Variants in PARD3B observed in about 807,000 individuals in gnomAD.
PARD3B encodes par-3 family cell polarity regulator beta, also known as partitioning defective 3 homolog B.
PARD3B carries 103 observed loss-of-function variants against 130.2 expected under a neutral mutation model. That is an observed-to-expected ratio of 0.79 (90% CI 0.67 to 0.93). PARD3B has a LOEUF of 0.93. Ranked by LOEUF, PARD3B falls within the 40% of genes least tolerant of loss-of-function variation. The probability of loss-of-function intolerance (pLI) is 0.00; values close to 1 mark genes in which losing one functional copy is unlikely to be tolerated. For missense variants in PARD3B, 1,609 were observed against 1,499.2 expected (o/e 1.07, Z -1.21); for synonymous variants, 583 against 553.2 (o/e 1.05, Z -0.76).
In PARD3B at chr2:205,401,110, G is replaced by C; in HGVS notation, c.2728G>C (p.Glu910Gln). The change falls in exon 19 of 23, where the codon GAA becomes CAA. Residue 910 changes from glutamate (E) to glutamine (Q), a missense_variant. Glu to Gln is a conservative substitution (Grantham distance 29). Transcript: ENST00000406610. ...LREEELEKMK[E>Q]ERERIGAKHQ... ...AGAAGAAGAGCTGGAGAAAATGAAAGAAGAGCGTGAAAGGTGAGCAGAAGT... is the reference window on the plus strand; with the variant it reads ...AGAAGAAGAGCTGGAGAAAATGAAACAAGAGCGTGAAAGGTGAGCAGAAGT... The C allele has an allele frequency of 1.3e-6, 2 of 1,593,698 alleles. No homozygotes were observed. The highest frequency in any genetic ancestry group is 1.7e-6 in the Non-Finnish European group (2 of 1,169,498).
At chr2:204,785,571 A>G (rs1333103249) in intron 2 of PARD3B, among the ~76,000 whole-genome samples, 2 of 152,128 alleles carry the variant, frequency 1.3e-5, no homozygotes, top group African/African-American at 4.8e-5. Context: ...CCATAAAAAT[A>G]CTTGCTGTTC....
intron 2 of PARD3B, among the ~76,000 whole-genome samples, chr2:204,691,970 G>A (rs186800978): frequency 6.6e-6 from 1 of 152,032 alleles, no homozygotes; most frequent in East Asian, 1.9e-4. Flanking sequence ...ATATTATTTG[G>A]TAACATAAGG....
At chr2:204,818,246 G>C (rs2043214174) in intron 2 of PARD3B, among the ~76,000 whole-genome samples, 1 of 152,162 alleles carries the variant, frequency 6.6e-6, no homozygotes, top group East Asian at 1.9e-4. Context: ...GATCTTGAGA[G>C]TCTTATGTGT....
chr2:204,832,921 A>G (rs2043882591), intron 2 of PARD3B, among the ~76,000 whole-genome samples: 1 of 152,208 alleles, frequency 6.6e-6, no homozygotes, highest in African/African-American at 2.4e-5. Flanking sequence ...CCTGGTCCCT[A>G]TCATTAAAGA....
intron 2 of PARD3B, among the ~76,000 whole-genome samples, chr2:204,866,267 A>T (rs192994749): frequency 5.3e-5 from 8 of 152,286 alleles, no homozygotes; most frequent in Admixed American, 5.2e-4. Context: ...ACCATTTATT[A>T]TCAATAACTC....
rs2034434706 is a variant in PARD3B, at chr2:205,160,297, TG to T, written c.1620+1392del. Among the ~76,000 whole-genome samples, 1 of 152,238 alleles carries T rather than the reference TG, an allele frequency of 6.6e-6. No homozygotes were observed. On this transcript the variant is annotated intron_variant, in intron 11 of 22. Transcript: ENST00000406610. The surrounding 1 kb of genome is among the most constrained non-coding windows in gnomAD (Gnocchi z 4.0). Reference sequence around the variant, plus strand: ...GTTTGGGTAGGATTCTGATTCAGGCTGGTGTCTCTTGATCCCACTGTAACTC... The same window carrying T: ...GTTTGGGTAGGATTCTGATTCAGGCTGTGTCTCTTGATCCCACTGTAACTC...
intron 21 of PARD3B, among the ~76,000 whole-genome samples, chr2:205,526,623 A>T (rs923487993): frequency 2.0e-5 from 3 of 152,218 alleles, no homozygotes; most frequent in African/African-American, 4.8e-5. Context: ...AACAAGGCAG[A>T]TGCCACATTC....
At chr2:205,510,096 C>T (rs1385974218) in intron 21 of PARD3B, among the ~76,000 whole-genome samples, 2 of 152,238 alleles carry the variant, frequency 1.3e-5, no homozygotes, top group Non-Finnish European at 2.9e-5. Flanking sequence ...TGCCTGAGTT[C>T]ACATCCAGGC....
intron 2 of PARD3B, among the ~76,000 whole-genome samples, chr2:204,800,894 T>C (rs997253468): frequency 6.6e-6 from 1 of 152,198 alleles, no homozygotes; most frequent in Non-Finnish European, 1.5e-5. Context: ...TTGTATAAGG[T>C]ATAAGGAAGG....
intron 2 of PARD3B, among the ~76,000 whole-genome samples, chr2:204,705,617 T>C (rs1031858956): frequency 2.0e-5 from 3 of 152,234 alleles, no homozygotes; most frequent in Non-Finnish European, 1.5e-5. Flanking sequence ...TATTAACTTC[T>C]ATTTAATAGA....
intron 1 of PARD3B, among the ~76,000 whole-genome samples, chr2:204,559,140 T>C (rs537473129): frequency 1.3e-5 from 2 of 152,120 alleles, no homozygotes; most frequent in Admixed American, 1.3e-4. Context: ...GGGCAAGGAC[T>C]TCATGACTAA....
intron 20 of PARD3B, among the ~76,000 whole-genome samples, chr2:205,442,338 G>A (rs1186931458): frequency 4.9e-5 from 6 of 123,102 alleles, no homozygotes; most frequent in Admixed American, 1.1e-4. Flanking sequence ...TCACTCTGTC[G>A]ACCAGGCTGG....
chr2:204,662,676 C>T (rs1208692646), intron 1 of PARD3B, among the ~76,000 whole-genome samples: 1 of 152,076 alleles, frequency 6.6e-6, no homozygotes, highest in Non-Finnish European at 1.5e-5. Flanking sequence ...TGGTTACAGA[C>T]CTTGAGTGAA....
At chr2:204,759,003 T>C (rs773440312) in intron 2 of PARD3B, among the ~76,000 whole-genome samples, 4 of 152,214 alleles carry the variant, frequency 2.6e-5, no homozygotes, top group Non-Finnish European at 4.4e-5. Context: ...TCTGTGTCTG[T>C]GTCACTTCAA....
At chr2:205,537,595 C>T (rs997500425) in intron 21 of PARD3B, among the ~76,000 whole-genome samples, 3 of 152,124 alleles carry the variant, frequency 2.0e-5, no homozygotes, top group Non-Finnish European at 4.4e-5. Flanking sequence ...GAGTTGCACT[C>T]ATTTAGGAAA....
chr2:205,324,218 G>A (rs1235563456), intron 18 of PARD3B, among the ~76,000 whole-genome samples: 1 of 152,066 alleles, frequency 6.6e-6, no homozygotes, highest in Non-Finnish European at 1.5e-5. Flanking sequence ...TTAAGAATCT[G>A]TAAAATAAAT....
At chr2:205,454,173 G>T (rs1301280030) in intron 20 of PARD3B, among the ~76,000 whole-genome samples, 1 of 151,600 alleles carries the variant, frequency 6.6e-6, no homozygotes, top group African/African-American at 2.4e-5. Flanking sequence ...CTTACTCCAG[G>T]CCTCTTGTGA....
At chr2:204,927,345 T>G (rs892213460) in intron 2 of PARD3B, among the ~76,000 whole-genome samples, 1 of 151,980 alleles carries the variant, frequency 6.6e-6, no homozygotes, top group African/African-American at 2.4e-5. Flanking sequence ...CCCAGAGAGA[T>G]CTCCTTCTCC....
Position 205,263,446 on chromosome 2 carries a change from A to G in PARD3B, c.2185+17624A>G, listed in dbSNP as rs2040392684. ...CATTTAAATAGCAAACAGAATGAACATTTTAAAGTAAAATTCTGTCATTTC... is the reference window on the plus strand; with the variant it reads ...CATTTAAATAGCAAACAGAATGAACGTTTTAAAGTAAAATTCTGTCATTTC... On this transcript the variant is annotated intron_variant, in intron 16 of 22. Coordinates refer to ENST00000406610, the MANE Select transcript of PARD3B (RefSeq NM_001302769.2). The surrounding 1 kb of genome is among the most constrained non-coding windows in gnomAD (Gnocchi z 4.0). Among the ~76,000 whole-genome samples, 1 of 151,266 alleles carries G rather than the reference A, an allele frequency of 6.6e-6. No individual in the cohort carries two copies.
Sources: gnomAD v4.1 joint callset for allele counts (sites outside exome capture counted in the v4.1 genomes callset) on GRCh38, gnomAD v4.1.1 for gene constraint, Gnocchi (gnomAD v3.1) non-coding constraint, MANE v1.5 for transcripts, NCBI Gene and HGNC (gene_info 2026-07-23, HGNC 2026-07-21) for gene names.